DDAH1: variants seen among roughly 807,000 people sequenced by gnomAD.
DDAH1 encodes N(G),N(G)-dimethylarginine dimethylaminohydrolase 1.
In DDAH1, 19 loss-of-function variants were observed where a neutral mutation model predicts 28.8. The ratio of observed to expected loss-of-function variants is 0.66; its 90% CI spans 0.46 to 0.97. The LOEUF (loss-of-function observed/expected upper bound fraction) is 0.97, where lower values mean the gene tolerates loss of function less well. Among genes scored for constraint, DDAH1 ranks in the 50% least tolerant of loss-of-function variants. The pLI is 0.00. For missense variants in DDAH1, 326 were observed against 375.9 expected (o/e 0.87, Z 1.10); for synonymous variants, 153 against 154.4 (o/e 0.99, Z 0.07).
intron 1 of DDAH1, among the ~76,000 whole-genome samples, chr1:85,523,044 C>G (rs914744513): frequency 1.3e-5 from 2 of 151,104 alleles, no homozygotes; most frequent in African/African-American, 4.9e-5. Flanking sequence ...AAAACACTAA[C>G]AGCTGTTGGG....
chr1:85,407,299 T>C (rs1652450369), intron 1 of DDAH1, among the ~76,000 whole-genome samples: 1 of 152,156 alleles, frequency 6.6e-6, no homozygotes, highest in African/African-American at 2.4e-5. Flanking sequence ...CTTGAAAAAA[T>C]CTCTTAGCAA....
At chr1:85,404,754 TCTC>T (rs1652326912) in intron 1 of DDAH1, among the ~76,000 whole-genome samples, 2 of 152,188 alleles carry the variant, frequency 1.3e-5, no homozygotes, top group African/African-American at 4.8e-5. Flanking sequence ...TCTCTCTCTC[TCTC>T]AAGTTGAGTT....
In DDAH1 at chr1:85,504,961, CTTTTTTTTTTTTTTTTTTTTTT is replaced by C. The variant is rs61209793; in HGVS notation, c.-122-8702_-122-8681del. Among the ~76,000 whole-genome samples, 591 of 60,842 alleles carry C rather than the reference CTTTTTTTTTTTTTTTTTTTTTT, an allele frequency of 9.7e-3. 7 individuals carry two copies. Among genetic ancestry groups the C allele is most frequent in the African/African-American group, 0.04 (558 of 13,856 alleles). 39.9% of individuals were successfully genotyped at this position (60,842 alleles called of 152,430 possible). A position where few individuals can be genotyped will look rare whatever the true frequency, so the allele number is the denominator to read the frequency against. ...CTTTTAACAATGGCCCTCAATGATT[CTTTTTTTTTTTTTTTTTTTTTT>C]TTTTTTTTTTTTTTTTTTTGAGACG... On this transcript the variant is annotated intron_variant, in intron 1 of 6. Coordinates refer to the DDAH1 transcript ENST00000426972.
intron 1 of DDAH1, among the ~76,000 whole-genome samples, chr1:85,566,801 C>A (rs1001480997): frequency 6.6e-6 from 1 of 151,734 alleles, no homozygotes; most frequent in Non-Finnish European, 1.5e-5. Context: ...CATGTGTGTA[C>A]GTGTGTGTAT....
chr1:85,482,560 G>C (rs183438957), intron 2 of DDAH1: 67 of 152,310 alleles, frequency 4.4e-4, no homozygotes, highest in African/African-American at 1.6e-3. Context: ...TCAAAAAGTA[G>C]GTTAGGTTCA....
chr1:85,362,979 C>T (rs1557524539), intron 1 of DDAH1, among the ~76,000 whole-genome samples: 1 of 152,146 alleles, frequency 6.6e-6, no homozygotes, highest in Admixed American at 6.6e-5. Flanking sequence ...AAAACTCTCC[C>T]TAATATAAAA....
At chr1:85,334,179 C>T (rs939547614) in intron 4 of DDAH1, among the ~76,000 whole-genome samples, 2 of 152,130 alleles carry the variant, frequency 1.3e-5, no homozygotes, top group Non-Finnish European at 2.9e-5. Flanking sequence ...TTGGTAGTTC[C>T]TCCTGCATTC....
intron 1 of DDAH1, among the ~76,000 whole-genome samples, chr1:85,539,966 A>G (rs1382988023): frequency 6.6e-6 from 1 of 152,032 alleles, no homozygotes; most frequent in Non-Finnish European, 1.5e-5. Context: ...TAAAGTAGGT[A>G]TTATACCATA....
At chr1:85,526,914 A>T (rs1657892993) in intron 1 of DDAH1, among the ~76,000 whole-genome samples, 2 of 151,522 alleles carry the variant, frequency 1.3e-5, no homozygotes, top group African/African-American at 2.4e-5. Flanking sequence ...AGAATCGGAA[A>T]TGTTAATAGG....
intron 1 of DDAH1, among the ~76,000 whole-genome samples, chr1:85,367,098 T>C (rs1296021674): frequency 6.6e-6 from 1 of 152,198 alleles, no homozygotes; most frequent in East Asian, 1.9e-4. Context: ...CCTAGAGCCC[T>C]GGAGTTCTTG....
At chr1:85,412,779 T>C (rs571695019) in intron 1 of DDAH1, among the ~76,000 whole-genome samples, 2 of 152,296 alleles carry the variant, frequency 1.3e-5, no homozygotes, top group South Asian at 2.1e-4. Context: ...GACAGGCACA[T>C]TGCTTGAGCC....
intron 4 of DDAH1, among the ~76,000 whole-genome samples, chr1:85,343,893 C>G (rs1648667971): frequency 6.6e-6 from 1 of 152,162 alleles, no homozygotes; most frequent in South Asian, 2.1e-4. Flanking sequence ...AGAGGAAATA[C>G]AGTCTGAGTG....
In DDAH1 at chr1:85,505,089, G is replaced by A. The variant is rs142123159; in HGVS notation, c.-122-8808C>T. Among the ~76,000 whole-genome samples the A allele has an allele frequency of 2.5e-4, 35 of 141,330 alleles. No individual in the cohort carries two copies. The East Asian group carries it at 7.5e-3, about 30-fold the overall frequency. The allele number at this position is 141,330 out of a possible 152,430, so 92.7% of individuals were successfully genotyped here. A position where few individuals can be genotyped will look rare whatever the true frequency, so the allele number is the denominator to read the frequency against. ...CAACCTCCGTTTCCTGGATTAAAGC[G>A]ATTCTCCTCCCTCAGCCTCCCGAGT... On this transcript the variant is annotated intron_variant, in intron 1 of 6. Transcript: ENST00000426972.
chr1:85,466,489 T>A (rs1570580858), upstream of DDAH1, among the ~76,000 whole-genome samples: 1 of 152,198 alleles, frequency 6.6e-6, no homozygotes. Flanking sequence ...CCTCAGGTGA[T>A]CCACCCGCCT....
intron 1 of DDAH1, among the ~76,000 whole-genome samples, chr1:85,367,684 A>AG (rs911505684): frequency 1.3e-5 from 2 of 152,158 alleles, no homozygotes; most frequent in African/African-American, 4.8e-5. Context: ...TTGGCCACTG[A>AG]GGGGGTGTCT....
intron 1 of DDAH1, among the ~76,000 whole-genome samples, chr1:85,500,088 T>C (rs551105475): frequency 6.6e-6 from 1 of 151,372 alleles, no homozygotes; most frequent in Non-Finnish European, 1.5e-5. Flanking sequence ...TTTCCTTCCT[T>C]CCTTCCCTCC....
Position 85,526,537 on chromosome 1 carries a change from T to C in DDAH1, c.-122-30256A>G, listed in dbSNP as rs1435700044. Among the ~76,000 whole-genome samples the C allele has an allele frequency of 2.0e-5, 3 of 152,042 alleles. No individual in the cohort carries two copies. The East Asian group carries it at 5.8e-4, about 29-fold the overall frequency. The stretch of plus-strand genomic sequence containing the variant: ...CACTTGACCAGGAACTCATATTTCA[T>C]GGAGTGAGAATTGTGAGACCTTGCA... On this transcript the variant is annotated intron_variant, in intron 1 of 6. Transcript: ENST00000426972.
intron 1 of DDAH1, among the ~76,000 whole-genome samples, chr1:85,411,192 G>A (rs900922614): frequency 4.6e-5 from 7 of 152,178 alleles, no homozygotes; most frequent in Admixed American, 2.0e-4. Flanking sequence ...TGTCATCCAT[G>A]AAACAGACCA....
At chr1:85,463,266 T>A (rs554968206) in intron 1 of DDAH1, among the ~76,000 whole-genome samples, 13 of 152,344 alleles carry the variant, frequency 8.5e-5, no homozygotes, top group African/African-American at 3.1e-4. Context: ...TGGAAGCTTT[T>A]ATTATAGGAA....
Sources: allele counts gnomAD v4.1 joint callset (sites outside exome capture counted in the v4.1 genomes callset), GRCh38; gene constraint gnomAD v4.1.1; transcripts MANE v1.5; gene names NCBI Gene and HGNC (gene_info 2026-07-23, HGNC 2026-07-21).